CALN1: variants seen among roughly 807,000 people sequenced by gnomAD.
The protein encoded by CALN1 is calcium-binding protein 8.
Under a neutral mutation model 30.6 loss-of-function variants are expected in CALN1, and 17 were observed. The ratio of observed to expected loss-of-function variants is 0.56; its 90% CI spans 0.38 to 0.83. CALN1 has a LOEUF of 0.83. Among genes scored for constraint, CALN1 ranks in the 40% least tolerant of loss-of-function variants. The probability of loss-of-function intolerance (pLI) is 0.00; values close to 1 mark genes in which losing one functional copy is unlikely to be tolerated. For missense variants in CALN1, 291 were observed against 354.9 expected, an observed-to-expected ratio of 0.82 and a Z score of 1.45; for synonymous variants, 156 against 131.4, an observed-to-expected ratio of 1.19 and a Z score of -1.28.
In CALN1 at chr7:72,278,579, A is replaced by G. The variant is rs1007092040; in HGVS notation, c.244+107T>C. ...TATGCCATGGCTACACTTGGCCACA[A>G]CTGCCAAGGAGTGGCCAAAGTCCAG... On this transcript the variant is annotated intron_variant, in intron 3 of 6. Coordinates refer to ENST00000395275, the MANE Select transcript of CALN1 (RefSeq NM_031468.4). 1.2e-5 allele frequency: 18 copies of G among 1,467,496 alleles called. No homozygotes were observed. The African/African-American group carries it at 2.2e-4, about 18-fold the overall frequency. 90.9% of individuals were successfully genotyped at this position (1,467,496 alleles called of 1,614,324 possible).
intron 5 of CALN1, among the ~76,000 whole-genome samples, chr7:71,866,108 C>T (rs1461234525): frequency 1.3e-5 from 2 of 151,912 alleles, no homozygotes. Flanking sequence ...CGGGTTCATG[C>T]CATTCTCCTG....
At chr7:72,288,830 AC>A (rs1411529453) in intron 2 of CALN1, among the ~76,000 whole-genome samples, 6 of 152,082 alleles carry the variant, frequency 3.9e-5, no homozygotes, top group Admixed American at 1.3e-4. Context: ...CTTATTTTTA[AC>A]CCCTTTTCCC....
At chr7:72,348,769 T>A (rs1802775915) in intron 2 of CALN1, among the ~76,000 whole-genome samples, 1 of 152,176 alleles carries the variant, frequency 6.6e-6, no homozygotes, top group South Asian at 2.1e-4. Flanking sequence ...CTAACAAAGC[T>A]TAAGAGCAAA....
At chr7:72,407,264 GATA>G (rs1806762827) in intron 1 of CALN1, among the ~76,000 whole-genome samples, 1 of 152,188 alleles carries the variant, frequency 6.6e-6, no homozygotes, top group Non-Finnish European at 1.5e-5. Flanking sequence ...AAATGAACCT[GATA>G]ATAACACCTA....
chr7:72,394,519 G>C (rs1371591374), intron 2 of CALN1, among the ~76,000 whole-genome samples: 1 of 152,106 alleles, frequency 6.6e-6, no homozygotes, highest in Non-Finnish European at 1.5e-5. Context: ...CAGTACAATA[G>C]AAAAGGATGC....
chr7:72,237,745 C>A (rs1794562590), intron 3 of CALN1, among the ~76,000 whole-genome samples: 1 of 152,216 alleles, frequency 6.6e-6, no homozygotes, highest in East Asian at 1.9e-4. Flanking sequence ...AGAGAGAAAC[C>A]CTTCCTTCTT....
At chr7:71,834,084 T>C (rs896864558) in intron 5 of CALN1, among the ~76,000 whole-genome samples, 37 of 151,572 alleles carry the variant, frequency 2.4e-4, no homozygotes, top group African/African-American at 8.9e-4. Context: ...TAGCTGGGCA[T>C]GGTAGTGCGT....
At chr7:72,037,104 G>T (rs1203270266) in intron 4 of CALN1, among the ~76,000 whole-genome samples, 1 of 151,816 alleles carries the variant, frequency 6.6e-6, no homozygotes, top group Non-Finnish European at 1.5e-5. Context: ...AGTGCTAGGA[G>T]CTAGGACTAT....
intron 6 of CALN1, among the ~76,000 whole-genome samples, chr7:71,798,413 C>T (rs1022428613): frequency 1.6e-4 from 24 of 151,934 alleles, no homozygotes; most frequent in Non-Finnish European, 2.9e-5. Context: ...CTCTTAGGCT[C>T]GAGCAATCCC....
intron 2 of CALN1, among the ~76,000 whole-genome samples, chr7:72,394,699 T>C (rs1805803130): frequency 6.6e-6 from 1 of 151,758 alleles, no homozygotes; most frequent in Admixed American, 6.6e-5. Flanking sequence ...TCTCACTATG[T>C]TGCCCAGGCT....
intron 5 of CALN1, among the ~76,000 whole-genome samples, chr7:71,894,356 G>C (rs1229842440): frequency 1.3e-5 from 2 of 152,068 alleles, no homozygotes; most frequent in Non-Finnish European, 2.9e-5. Flanking sequence ...GCAGTGGCAT[G>C]ATCACGCCAA....
chr7:72,359,693 G>C (rs1803444869), intron 2 of CALN1, among the ~76,000 whole-genome samples: 1 of 151,766 alleles, frequency 6.6e-6, no homozygotes, highest in Admixed American at 6.6e-5. Flanking sequence ...ACCTGGATTG[G>C]GGCCGGGAAA....
chr7:72,346,211 A>C (rs1184480065), intron 2 of CALN1, among the ~76,000 whole-genome samples: 3 of 152,208 alleles, frequency 2.0e-5, no homozygotes, highest in African/African-American at 4.8e-5. Context: ...TAGAATTTAA[A>C]AATAAACATC....
the CALN1 span, among the ~76,000 whole-genome samples, chr7:72,488,821 C>T: frequency 6.6e-6 from 1 of 152,118 alleles, no homozygotes; most frequent in East Asian, 1.9e-4. Context: ...GAAGCTAGGA[C>T]TGTAGGCACA....
At chr7:71,902,831 A>G (rs764209509) in intron 5 of CALN1, among the ~76,000 whole-genome samples, 3 of 152,136 alleles carry the variant, frequency 2.0e-5, no homozygotes, top group Non-Finnish European at 2.9e-5. Context: ...TGTCTTTGAC[A>G]GCCATATGGG....
At chr7:71,882,651 C>T (rs1792642696) in intron 5 of CALN1, among the ~76,000 whole-genome samples, 1 of 151,948 alleles carries the variant, frequency 6.6e-6, no homozygotes, top group African/African-American at 2.4e-5. Flanking sequence ...AATAGTCTTC[C>T]CCCAATACTT....
intron 2 of CALN1, among the ~76,000 whole-genome samples, chr7:72,315,953 C>A (rs1800413232): frequency 6.6e-6 from 1 of 151,820 alleles, no homozygotes; most frequent in Non-Finnish European, 1.5e-5. Flanking sequence ...TCAAGACCAG[C>A]CTGGCCAACA....
intron 2 of CALN1, among the ~76,000 whole-genome samples, chr7:72,364,311 A>G (rs951472860): frequency 1.3e-5 from 2 of 152,114 alleles, no homozygotes; most frequent in African/African-American, 4.8e-5. Flanking sequence ...AAGATTCAAT[A>G]TTTACAGAGT....
chr7:71,855,976 T>C (rs1790923704), intron 5 of CALN1, among the ~76,000 whole-genome samples: 1 of 152,160 alleles, frequency 6.6e-6, no homozygotes, highest in Non-Finnish European at 1.5e-5. Flanking sequence ...GTGCACATTA[T>C]ATACACACAC....
Sources: gnomAD v4.1 joint callset for allele counts (sites outside exome capture counted in the v4.1 genomes callset) on GRCh38, gnomAD v4.1.1 for gene constraint, MANE v1.5 for transcripts, NCBI Gene and HGNC (gene_info 2026-07-23, HGNC 2026-07-21) for gene names.